The following KIFAP3 variants were observed in gnomAD, a reference collection of about 807,000 sequenced individuals.
The protein encoded by KIFAP3 is kinesin associated protein 3.
KIFAP3 carries 68 observed loss-of-function variants against 106.5 expected under a neutral mutation model. The ratio of observed to expected loss-of-function variants is 0.64; its 90% CI spans 0.53 to 0.78. The LOEUF (loss-of-function observed/expected upper bound fraction) is 0.78, where lower values mean the gene tolerates loss of function less well. KIFAP3 is among the 30% of genes least tolerant of loss of function. KIFAP3 has a pLI of 0.00. For synonymous variants in KIFAP3, 320 were observed against 311.5 expected (o/e 1.03, Z -0.29); for missense variants, 780 against 941.8 (o/e 0.83, Z 2.25).
chr1:169,992,174 T>C lies in KIFAP3; in HGVS notation c.1265A>G (p.Tyr422Cys). 1.9e-6 allele frequency: 3 copies of C among 1,559,696 alleles called. No homozygotes were observed. Among genetic ancestry groups the C allele is most frequent in the Non-Finnish European group, 2.6e-6 (3 of 1,150,752 alleles). Residue 422 changes from tyrosine (Y) to cysteine (C), a missense_variant, in exon 11 of 20, where the codon TAC (tyrosine) becomes TGC (cysteine). This residue lies in a region of KIFAP3 where 588 missense variants were observed against 678.9 expected (regional missense o/e 0.87). Transcript: ENST00000361580. Reference protein sequence around the residue: ...MDDRFKSMFAYTDCIPQLMKM... With the variant: ...MDDRFKSMFACTDCIPQLMKM... The stretch of plus-strand genomic sequence containing the variant: ...ACTTACCTGTGGTATACAGTCAGTG[T>C]ATGCAAACATTGATTTAAAGCGGTC...
chr1:170,063,225 G>A (rs190102115), intron 1 of KIFAP3, among the ~76,000 whole-genome samples: 1 of 152,148 alleles, frequency 6.6e-6, no homozygotes, highest in South Asian at 2.1e-4. Flanking sequence ...CACAAGATTT[G>A]TATCTTCCCT....
intron 1 of KIFAP3, 93 bp downstream of exon 1, chr1:170,074,343 A>ACTAGCGAG (rs2102184923): frequency 6.9e-7 from 1 of 1,447,682 alleles, no homozygotes; most frequent in South Asian, 1.2e-5. Flanking sequence ...CGTCTGCTAA[A>ACTAGCGAG]CTAGCGTTGC....
rs142801054 is a variant in KIFAP3 at position 170,053,298 on chromosome 1, G to A, written c.164+2007C>T. Reference sequence around the variant, plus strand: ...AATACAACTTACAAGGTATGTGAAGGACCTCTTCGAGGAGAACTACAAACT... The same window carrying A: ...AATACAACTTACAAGGTATGTGAAGAACCTCTTCGAGGAGAACTACAAACT... On this transcript the variant is annotated intron_variant, in intron 2 of 19. Coordinates refer to ENST00000361580, the MANE Select transcript of KIFAP3 (RefSeq NM_014970.4). Among the ~76,000 whole-genome samples the A allele has an allele frequency of 5.2e-3, 786 of 152,212 alleles. 5 individuals carry two copies. The highest frequency in any genetic ancestry group is 0.014 in the Middle Eastern group (4 of 294).
chr1:170,034,316 T>A (rs1369851009), intron 7 of KIFAP3, 56 bp downstream of exon 7: 1 of 1,539,692 alleles, frequency 6.5e-7, no homozygotes, highest in Non-Finnish European at 8.8e-7. Context: ...ATCCCACCCA[T>A]CCAAAACTTA....
intron 9 of KIFAP3, 135 bp from the exon 10 acceptor site, chr1:170,016,759 C>T: frequency 1.9e-6 from 1 of 514,390 alleles, no homozygotes; most frequent in South Asian, 4.9e-5. Context: ...TACTCCATTT[C>T]ATTCTGTAAA....
intron 19 of KIFAP3, among the ~76,000 whole-genome samples, chr1:169,923,730 C>T (rs777239653): frequency 1.3e-5 from 2 of 152,172 alleles, no homozygotes; most frequent in South Asian, 2.1e-4. Flanking sequence ...ATCTCACAGA[C>T]GACTTGTTAG....
intron 19 of KIFAP3, among the ~76,000 whole-genome samples, chr1:169,948,879 T>A (rs948341573): frequency 2.0e-5 from 3 of 152,002 alleles, no homozygotes; most frequent in African/African-American, 7.2e-5. Flanking sequence ...CACTGCACAA[T>A]GCCTTTTAGA....
chr1:169,937,911 C>T (rs1663898897), intron 19 of KIFAP3, among the ~76,000 whole-genome samples: 1 of 151,888 alleles, frequency 6.6e-6, no homozygotes. Context: ...ATGTTTTCTA[C>T]TGATCTTTCT....
At chr1:169,966,370 C>T (rs1665621981) in intron 17 of KIFAP3, among the ~76,000 whole-genome samples, 1 of 149,664 alleles carries the variant, frequency 6.7e-6, no homozygotes, top group East Asian at 2.0e-4. Flanking sequence ...TAGGATGAAT[C>T]TACTACATTG....
intron 17 of KIFAP3, among the ~76,000 whole-genome samples, chr1:169,963,289 T>C (rs1474738067): frequency 1.3e-5 from 2 of 152,224 alleles, no homozygotes; most frequent in Non-Finnish European, 2.9e-5. Flanking sequence ...GATCTCGTTC[T>C]TTTTTATGGC....
intron 11 of KIFAP3, among the ~76,000 whole-genome samples, chr1:169,985,983 G>C (rs1571609491): frequency 6.6e-6 from 1 of 151,838 alleles, no homozygotes; most frequent in African/African-American, 2.4e-5. Flanking sequence ...TTAGTGTATA[G>C]TACATAAAGA....
At chr1:170,061,418 A>G (rs1335467029) in intron 1 of KIFAP3, among the ~76,000 whole-genome samples, 23 of 152,216 alleles carry the variant, frequency 1.5e-4, no homozygotes, top group African/African-American at 5.6e-4. Flanking sequence ...AAAAATGCTC[A>G]TCATCACTGG....
At chr1:169,935,905 A>C (rs1389150090) in intron 19 of KIFAP3, among the ~76,000 whole-genome samples, 3 of 151,964 alleles carry the variant, frequency 2.0e-5, no homozygotes, top group Non-Finnish European at 4.4e-5. Context: ...GTTCTATCTA[A>C]TTCATGGAGG....
At chr1:169,950,151 A>AT (rs1406755431) in intron 19 of KIFAP3, among the ~76,000 whole-genome samples, 1 of 152,066 alleles carries the variant, frequency 6.6e-6, no homozygotes, top group African/African-American at 2.4e-5. Context: ...GAAATAAATA[A>AT]TTTTTCTTTA....
At chr1:169,940,264 T>C (rs1664037478) in intron 19 of KIFAP3, among the ~76,000 whole-genome samples, 1 of 152,232 alleles carries the variant, frequency 6.6e-6, no homozygotes, top group South Asian at 2.1e-4. Context: ...TCTCCCTTCT[T>C]CAGCTGTTGT....
At position 170,072,594 on chromosome 1, in the gene KIFAP3, T is replaced by A. The variant is rs530632500; in HGVS notation, c.32+1842A>T. On this transcript the variant is annotated intron_variant, in intron 1 of 19. Coordinates refer to ENST00000361580, the MANE Select transcript of KIFAP3 (RefSeq NM_014970.4). ...AAAACACATAGAGATTCAAAAAAAA[T>A]TATTTTTGTAAAACCAAAATATGGA... is the stretch of plus-strand genomic sequence containing the variant. 3.3e-5 allele frequency among the ~76,000 whole-genome samples: 5 copies of A among 152,294 alleles called. No homozygotes were observed. In the South Asian group the frequency reaches 1.0e-3, roughly 32 times the overall value.
intron 19 of KIFAP3, among the ~76,000 whole-genome samples, chr1:169,942,910 G>GCCA (rs1664213064): frequency 9.4e-6 from 1 of 105,898 alleles, no homozygotes; most frequent in Non-Finnish European, 1.9e-5. Flanking sequence ...TTTTAAAGAC[G>GCCA]CCCCCCCCCA....
At chr1:170,064,736 G>C (rs1159244205) in intron 1 of KIFAP3, among the ~76,000 whole-genome samples, 4 of 152,162 alleles carry the variant, frequency 2.6e-5, no homozygotes, top group Non-Finnish European at 4.4e-5. Context: ...AATGTGTAGT[G>C]AATGTCATCA....
chr1:170,067,010 AT>A (rs1359901200), intron 1 of KIFAP3, among the ~76,000 whole-genome samples: 6 of 152,208 alleles, frequency 3.9e-5, no homozygotes, highest in African/African-American at 1.2e-4. Flanking sequence ...AAACTAGATA[AT>A]TTTTTTAAAT....
Sources: gnomAD v4.1 joint callset for allele counts (sites outside exome capture counted in the v4.1 genomes callset) on GRCh38, gnomAD v4.1.1 for gene constraint, gnomAD v4.1.1 regional missense constraint, MANE v1.5 for transcripts, NCBI Gene and HGNC (gene_info 2026-07-23, HGNC 2026-07-21) for gene names.